The following LRMDA variants were observed in gnomAD, a reference collection of about 807,000 sequenced individuals.
LRMDA encodes the protein leucine rich melanocyte differentiation associated.
Under a neutral mutation model 29.8 loss-of-function variants are expected in LRMDA, and 18 were observed. The observed-to-expected ratio is 0.60, with a 90% confidence interval of 0.42 to 0.90. The LOEUF (loss-of-function observed/expected upper bound fraction) is 0.90, where lower values mean the gene tolerates loss of function less well. Ranked by LOEUF, LRMDA falls within the 40% of genes least tolerant of loss-of-function variation. The pLI is 0.00. For synonymous variants in LRMDA, 125 were observed against 109.4 expected, an observed-to-expected ratio of 1.14 and a Z score of -0.89; for missense variants, 273 against 273.9, an observed-to-expected ratio of 1.00 and a Z score of 0.02.
At chr10:76,034,586 A>G (rs1051819034) in intron 2 of LRMDA, among the ~76,000 whole-genome samples, 12 of 152,040 alleles carry the variant, frequency 7.9e-5, no homozygotes, top group South Asian at 4.2e-4. Context: ...ACATTTTTAT[A>G]CCTCGTAAGT....
intron 2 of LRMDA, among the ~76,000 whole-genome samples, chr10:75,828,925 G>C (rs1844291381): frequency 6.6e-6 from 1 of 152,128 alleles, no homozygotes; most frequent in Non-Finnish European, 1.5e-5. Context: ...GGAAACAAGG[G>C]GGTGGGAAAA....
rs556657208 is a variant in LRMDA, at chr10:76,299,188, T to C, written c.517-25213T>C. Reference sequence around the variant, plus strand: ...GTGTGTGTGTGTGTGTGTGTGTGTGTGCATGCACGCACGCGCAATATGTTT... The same window carrying C: ...GTGTGTGTGTGTGTGTGTGTGTGTGCGCATGCACGCACGCGCAATATGTTT... On this transcript the variant is annotated intron_variant, in intron 5 of 6. Transcript: ENST00000611255. 2.2e-3 allele frequency among the ~76,000 whole-genome samples: 331 copies of C among 147,812 alleles called. 2 individuals carry two copies. The highest frequency in any genetic ancestry group is 7.5e-3 in the African/African-American group (303 of 40,526).
intron 2 of LRMDA, among the ~76,000 whole-genome samples, chr10:75,875,983 G>A (rs1189980488): frequency 1.3e-5 from 2 of 152,160 alleles, no homozygotes; most frequent in African/African-American, 2.4e-5. Flanking sequence ...CAAGACATGC[G>A]GACTGATTGG....
chr10:76,407,556 C>G (rs1198329152), intron 6 of LRMDA, among the ~76,000 whole-genome samples: 2 of 152,160 alleles, frequency 1.3e-5, no homozygotes, highest in East Asian at 1.9e-4. Context: ...GTCTCGTTAT[C>G]TCATGCAACT....
Position 75,521,165 on chromosome 10 carries a change from C to A in LRMDA, c.131+82671C>A, listed in dbSNP as rs2915025. ...CCAGTTAGACTACAGGGGGGTCAGG[C>A]TCCCACTTGAGGGGAGGCATTCTGT... is the stretch of plus-strand genomic sequence containing the variant. On this transcript the variant is annotated intron_variant, in intron 2 of 6. Transcript: ENST00000611255. Among the ~76,000 whole-genome samples the A allele has an allele frequency of 8.6e-5, 13 of 151,932 alleles. No homozygotes were observed. In the East Asian group the frequency reaches 9.8e-4, roughly 11 times the overall value.
chr10:76,079,130 G>A (rs530856592), intron 5 of LRMDA, among the ~76,000 whole-genome samples: 1 of 152,270 alleles, frequency 6.6e-6, no homozygotes, highest in South Asian at 2.1e-4. Flanking sequence ...TTGCTTGGGT[G>A]CCTACAAATT....
At chr10:75,855,383 T>C (rs1319671220) in intron 2 of LRMDA, among the ~76,000 whole-genome samples, 1 of 152,238 alleles carries the variant, frequency 6.6e-6, no homozygotes, top group Non-Finnish European at 1.5e-5. Context: ...GAAGTGTCTG[T>C]TCATATCCTT....
At chr10:76,038,106 T>C (rs1375666996) in intron 3 of LRMDA, among the ~76,000 whole-genome samples, 3 of 152,224 alleles carry the variant, frequency 2.0e-5, no homozygotes, top group Admixed American at 6.5e-5. Flanking sequence ...TTTTTAGACA[T>C]GTCCTGTGTC....
chr10:75,687,109 T>G (rs2132157381), intron 2 of LRMDA, among the ~76,000 whole-genome samples: 1 of 152,252 alleles, frequency 6.6e-6, no homozygotes, highest in East Asian at 1.9e-4. Context: ...AATATAGAAA[T>G]TAGGGCAATT....
chr10:75,870,467 A>G (rs984704003), intron 2 of LRMDA, among the ~76,000 whole-genome samples: 2 of 152,194 alleles, frequency 1.3e-5, no homozygotes, highest in Non-Finnish European at 2.9e-5. Context: ...CCCCATTGCA[A>G]AAGACTGACT....
intron 2 of LRMDA, among the ~76,000 whole-genome samples, chr10:75,939,974 T>A (rs1846360789): frequency 6.6e-6 from 1 of 152,122 alleles, no homozygotes; most frequent in African/African-American, 2.4e-5. Flanking sequence ...ACCCCCCAAA[T>A]CTGGCAGAGG....
chr10:76,255,230 T>C (rs1852571464), intron 5 of LRMDA, among the ~76,000 whole-genome samples: 1 of 152,212 alleles, frequency 6.6e-6, no homozygotes, highest in Non-Finnish European at 1.5e-5. Flanking sequence ...AAAATGAACT[T>C]TTGAAGGCTA....
At chr10:76,230,887 T>C (rs938686006) in intron 5 of LRMDA, among the ~76,000 whole-genome samples, 1 of 152,230 alleles carries the variant, frequency 6.6e-6, no homozygotes, top group Admixed American at 6.5e-5. Context: ...ATTCTGGTAA[T>C]AATTATGTGT....
chr10:75,893,635 T>C (rs1296091964), intron 2 of LRMDA, among the ~76,000 whole-genome samples: 1 of 152,092 alleles, frequency 6.6e-6, no homozygotes, highest in Non-Finnish European at 1.5e-5. Flanking sequence ...TGGGCATCTG[T>C]GTGTTGAAAA....
At chr10:75,490,173 A>C (rs1051926534) in intron 2 of LRMDA, among the ~76,000 whole-genome samples, 1 of 152,224 alleles carries the variant, frequency 6.6e-6, no homozygotes, top group African/African-American at 2.4e-5. Context: ...AGGAGCTGGA[A>C]TGTGAGCCAG....
chr10:75,739,478 A>C (rs1043716212), intron 2 of LRMDA, among the ~76,000 whole-genome samples: 5 of 152,200 alleles, frequency 3.3e-5, no homozygotes, highest in Non-Finnish European at 5.9e-5. Context: ...ATTAATCTTG[A>C]TGTATTATTT....
intron 2 of LRMDA, among the ~76,000 whole-genome samples, chr10:75,579,694 C>T (rs911114530): frequency 6.6e-6 from 1 of 152,192 alleles, no homozygotes; most frequent in African/African-American, 2.4e-5. Context: ...GAAACCGAAT[C>T]CAGTGGCACA....
intron 2 of LRMDA, among the ~76,000 whole-genome samples, chr10:75,843,970 G>A (rs1844588692): frequency 6.6e-6 from 1 of 152,058 alleles, no homozygotes. Context: ...AGAAAGGAAG[G>A]CCCTTCTCGC....
intron 2 of LRMDA, among the ~76,000 whole-genome samples, chr10:75,440,865 G>A (rs1267330290): frequency 6.6e-6 from 1 of 152,194 alleles, no homozygotes; most frequent in South Asian, 2.1e-4. Flanking sequence ...GTGAAATCCT[G>A]TCTCTACTAA....
Sources: gnomAD v4.1 joint callset for allele counts (sites outside exome capture counted in the v4.1 genomes callset) on GRCh38, gnomAD v4.1.1 for gene constraint, MANE v1.5 for transcripts, NCBI Gene and HGNC (gene_info 2026-07-23, HGNC 2026-07-21) for gene names.